SOX5: variants seen among roughly 807,000 people sequenced by gnomAD.
SOX5 encodes the protein SRY-box transcription factor 5.
Under a neutral mutation model 92.0 loss-of-function variants are expected in SOX5, and 9 were observed. The ratio of observed to expected loss-of-function variants is 0.10; its 90% CI spans 0.06 to 0.17. The LOEUF (loss-of-function observed/expected upper bound fraction) is 0.17. Among genes scored for constraint, SOX5 ranks in the 10% least tolerant of loss-of-function variants. SOX5 has a pLI of 1.00. For missense variants in SOX5, 642 were observed against 944.5 expected, an observed-to-expected ratio of 0.68 and a Z score of 4.20; for synonymous variants, 344 against 336.3, an observed-to-expected ratio of 1.02 and a Z score of -0.25.
chr12:24,196,831 A>T (rs1425185663), intron 4 of SOX5, among the ~76,000 whole-genome samples: 2 of 152,148 alleles, frequency 1.3e-5, no homozygotes, highest in African/African-American at 2.4e-5. Context: ...TGAGCCGGGG[A>T]GGTGGAGGTT....
intron 4 of SOX5, among the ~76,000 whole-genome samples, chr12:24,103,172 A>T (rs771407282): frequency 6.6e-6 from 1 of 152,234 alleles, no homozygotes; most frequent in Non-Finnish European, 1.5e-5. Context: ...TATAAGTTGT[A>T]CAAGAGGTTC....
intron 4 of SOX5, among the ~76,000 whole-genome samples, chr12:24,117,837 T>G (rs974883629): frequency 6.6e-6 from 1 of 151,818 alleles, no homozygotes; most frequent in East Asian, 1.9e-4. Context: ...CTGGCCAACA[T>G]AGTGAAACCC....
At chr12:23,687,925 G>C (rs1022385208) in intron 6 of SOX5, among the ~76,000 whole-genome samples, 1 of 150,556 alleles carries the variant, frequency 6.6e-6, no homozygotes, top group African/African-American at 2.4e-5. Context: ...GTTTCAATCA[G>C]CCTGCCACTG....
At chr12:24,311,878 A>AT (rs747737486) in intron 2 of SOX5, among the ~76,000 whole-genome samples, 3 of 152,168 alleles carry the variant, frequency 2.0e-5, no homozygotes, top group Non-Finnish European at 4.4e-5. Flanking sequence ...GTTCTTGTAA[A>AT]ATATATATTT....
intron 1 of SOX5, 41 bp from the exon 2 acceptor site, chr12:23,896,065 A>C (rs1038649303): frequency 7.4e-7 from 1 of 1,354,932 alleles, no homozygotes; most frequent in Non-Finnish European, 1.1e-6. Flanking sequence ...AAACCTCCAC[A>C]TAAATCCTTA....
chr12:23,762,401 T>C (rs888321978), intron 3 of SOX5: 15 of 377,830 alleles, frequency 4.0e-5, no homozygotes, highest in African/African-American at 2.9e-4. Context: ...GTAGCAAGAT[T>C]CCCCCCTCTA....
chr12:23,860,960 A>C (rs28476506), intron 2 of SOX5, among the ~76,000 whole-genome samples: 33 of 60,264 alleles, frequency 5.5e-4, no homozygotes, highest in Non-Finnish European at 6.2e-4. Context: ...TGTAAAAAAA[A>C]AAAAAAAAAA....
intron 3 of SOX5, among the ~76,000 whole-genome samples, chr12:23,841,612 A>G (rs1001022327): frequency 7.9e-5 from 12 of 152,290 alleles, no homozygotes; most frequent in South Asian, 2.1e-4. Context: ...AATATTATTT[A>G]CTGATACAAA....
intron 4 of SOX5, among the ~76,000 whole-genome samples, chr12:23,967,735 T>C (rs985565343): frequency 5.9e-5 from 9 of 152,168 alleles, no homozygotes; most frequent in African/African-American, 1.7e-4. Flanking sequence ...CTTAACTAAG[T>C]ATTAGTAAAA....
intron 1 of SOX5, among the ~76,000 whole-genome samples, chr12:24,369,307 G>A (rs1956485530): frequency 6.6e-6 from 1 of 152,162 alleles, no homozygotes; most frequent in African/African-American, 2.4e-5. Context: ...ACAGTGGGTG[G>A]TTTGGGCCAA....
intron 2 of SOX5, among the ~76,000 whole-genome samples, chr12:24,342,491 G>T (rs1221049910): frequency 2.0e-5 from 3 of 151,990 alleles, no homozygotes; most frequent in Admixed American, 2.0e-4. Context: ...TTAGTTATTT[G>T]CTATTCAAAT....
chr12:23,994,748 C>T (rs1950879079), intron 4 of SOX5, among the ~76,000 whole-genome samples: 1 of 152,044 alleles, frequency 6.6e-6, no homozygotes, highest in African/African-American at 2.4e-5. Context: ...GCTAATATAT[C>T]CACCATTATG....
At chr12:23,618,795 G>A (rs565205868) in intron 8 of SOX5, among the ~76,000 whole-genome samples, 1 of 152,206 alleles carries the variant, frequency 6.6e-6, no homozygotes, top group Admixed American at 6.6e-5. Context: ...TGCTACTATG[G>A]GAAAACACTT....
intron 1 of SOX5, among the ~76,000 whole-genome samples, chr12:24,392,705 A>G (rs1408512766): frequency 1.3e-5 from 2 of 152,172 alleles, no homozygotes; most frequent in Non-Finnish European, 2.9e-5. Flanking sequence ...ACGCTTTGAG[A>G]GCAGGGACTT....
chr12:24,182,745 G>T (rs888482306), intron 4 of SOX5, among the ~76,000 whole-genome samples: 2 of 151,976 alleles, frequency 1.3e-5, no homozygotes, highest in African/African-American at 2.4e-5. Context: ...ACAGAATCTC[G>T]CTCTGTCACC....
intron 6 of SOX5, among the ~76,000 whole-genome samples, chr12:23,692,387 A>G (rs2088998488): frequency 6.7e-6 from 1 of 149,918 alleles, no homozygotes; most frequent in Admixed American, 6.7e-5. Flanking sequence ...CATTGAGCTG[A>G]GATTGCACCA....
At chr12:24,101,018 GC>G (rs1164287966) in intron 4 of SOX5, among the ~76,000 whole-genome samples, 1 of 151,890 alleles carries the variant, frequency 6.6e-6, no homozygotes, top group African/African-American at 2.4e-5. Context: ...TCCTATCAGG[GC>G]CTTCCATTTT....
intron 4 of SOX5, among the ~76,000 whole-genome samples, chr12:24,087,001 C>T (rs1363397253): frequency 6.6e-6 from 1 of 152,040 alleles, no homozygotes; most frequent in African/African-American, 2.4e-5. Context: ...ATACACATAT[C>T]GTGTTTTCAC....
chr12:24,365,404 C>T (rs1434092614), intron 2 of SOX5, among the ~76,000 whole-genome samples: 1 of 151,966 alleles, frequency 6.6e-6, no homozygotes, highest in African/African-American at 2.4e-5. Flanking sequence ...TTGTCTTCAC[C>T]TTGTTAAAAG....
Sources: gnomAD v4.1 joint callset for allele counts (sites outside exome capture counted in the v4.1 genomes callset) on GRCh38, gnomAD v4.1.1 for gene constraint, MANE v1.5 for transcripts, NCBI Gene and HGNC (gene_info 2026-07-23, HGNC 2026-07-21) for gene names.